The following SNTG2 variants were observed in gnomAD, a reference collection of about 807,000 sequenced individuals.
SNTG2 encodes the protein gamma-2-syntrophin.
SNTG2 carries 74 observed loss-of-function variants against 70.9 expected under a neutral mutation model. The ratio of observed to expected loss-of-function variants is 1.04; its 90% CI spans 0.86 to 1.27. SNTG2 has a LOEUF of 1.27. SNTG2 is among the 50% of genes most tolerant of loss of function. The pLI is 0.00. For synonymous variants in SNTG2, 278 were observed against 273.8 expected (o/e 1.02, Z -0.15); for missense variants, 717 against 690.7 (o/e 1.04, Z -0.43).
At chr2:1,114,657 G>T (rs554406144) in intron 4 of SNTG2, among the ~76,000 whole-genome samples, 1 of 151,906 alleles carries the variant, frequency 6.6e-6, no homozygotes, top group African/African-American at 2.4e-5. Flanking sequence ...TGTACTAAGT[G>T]AGGTTTAACC....
intron 1 of SNTG2, among the ~76,000 whole-genome samples, chr2:991,676 GGC>G (rs1466985777): frequency 6.6e-6 from 1 of 152,152 alleles, no homozygotes; most frequent in Non-Finnish European, 1.5e-5. Context: ...CCGCAGTAAT[GGC>G]ATCTAGGGCT....
At chr2:1,121,432 TA>T (rs1229588753) in intron 4 of SNTG2, among the ~76,000 whole-genome samples, 1 of 151,514 alleles carries the variant, frequency 6.6e-6, no homozygotes, top group Non-Finnish European at 1.5e-5. Flanking sequence ...TAGTAAACAA[TA>T]AAAAGAATTA....
At chr2:1,098,008 C>T (rs1665506707) in intron 2 of SNTG2, among the ~76,000 whole-genome samples, 188 bp from the exon 3 acceptor site, 1 of 151,988 alleles carries the variant, frequency 6.6e-6, no homozygotes, top group Non-Finnish European at 1.5e-5. Flanking sequence ...TCACTGTCTT[C>T]GTTTTCATAC....
At chr2:1,366,110 T>G (rs1010580388) in intron 16 of SNTG2, among the ~76,000 whole-genome samples, 4 of 152,218 alleles carry the variant, frequency 2.6e-5, no homozygotes, top group Non-Finnish European at 5.9e-5. Context: ...CTCAGCAGTT[T>G]AGAATATGCT....
At chr2:1,045,316 A>G (rs1233586270) in intron 1 of SNTG2, among the ~76,000 whole-genome samples, 3 of 151,438 alleles carry the variant, frequency 2.0e-5, no homozygotes, top group Non-Finnish European at 2.9e-5. Context: ...TGGTCTAACA[A>G]TTTTATTCAC....
intron 1 of SNTG2, among the ~76,000 whole-genome samples, chr2:953,468 G>A (rs779272778): frequency 2.0e-5 from 3 of 152,252 alleles, no homozygotes; most frequent in African/African-American, 4.8e-5. Context: ...TTTTAAAGGT[G>A]CATGTGGGGT....
intron 9 of SNTG2, among the ~76,000 whole-genome samples, chr2:1,209,672 C>G (rs1303352106): frequency 6.6e-6 from 1 of 152,176 alleles, no homozygotes; most frequent in East Asian, 1.9e-4. Context: ...TAAATGCTAA[C>G]TAGCTTGTGA....
chr2:1,184,430 A>C (rs1419629809), intron 8 of SNTG2, among the ~76,000 whole-genome samples: 2 of 152,230 alleles, frequency 1.3e-5, no homozygotes, highest in Admixed American at 6.5e-5. Context: ...TATGATGACT[A>C]TCTTAGCCCT....
intron 9 of SNTG2, among the ~76,000 whole-genome samples, chr2:1,232,837 C>T (rs1323989820): frequency 2.0e-5 from 3 of 152,148 alleles, no homozygotes; most frequent in South Asian, 2.1e-4. Context: ...GTTTTTGTCT[C>T]GAGTACTCGT....
chr2:1,283,881 T>C (rs1679660830), intron 14 of SNTG2, among the ~76,000 whole-genome samples: 1 of 152,274 alleles, frequency 6.6e-6, no homozygotes, highest in South Asian at 2.1e-4. Context: ...TCTTTACCTA[T>C]CCAAATATAA....
intron 9 of SNTG2, among the ~76,000 whole-genome samples, chr2:1,227,715 G>A (rs2148065420): frequency 6.6e-6 from 1 of 152,320 alleles, no homozygotes; most frequent in Non-Finnish European, 1.5e-5. Context: ...CAGCCTTGGT[G>A]TCTGTCCTCT....
At chr2:1,187,817 T>G (rs1270759298) in intron 8 of SNTG2, among the ~76,000 whole-genome samples, 1 of 152,186 alleles carries the variant, frequency 6.6e-6, no homozygotes, top group Non-Finnish European at 1.5e-5. Context: ...CAAAATTATG[T>G]AGGAAAGAAA....
intron 14 of SNTG2, among the ~76,000 whole-genome samples, chr2:1,278,270 T>G (rs1258059371): frequency 6.6e-6 from 1 of 152,114 alleles, no homozygotes. Flanking sequence ...GCAGAAGGTG[T>G]TAGTGAGGTG....
rs1215807189 is a variant in SNTG2 at position 1,149,709 on chromosome 2, A to AGT, written c.411+11900_411+11901insGT. ...TTTTTTTTTTTTTTTTTTTTTTCAA[A>AGT]TGGAATCTGGCTCTGTTGCCCAGGC... On this transcript the variant is annotated intron_variant, in intron 6 of 16. Coordinates refer to ENST00000308624, the MANE Select transcript of SNTG2 (RefSeq NM_018968.4). Among the ~76,000 whole-genome samples the AGT allele has an allele frequency of 3.5e-3, 244 of 69,372 alleles. 4 individuals carry two copies. Among genetic ancestry groups the AGT allele is most frequent in the African/African-American group, 0.013 (233 of 17,514 alleles). 45.5% of individuals were successfully genotyped at this position (69,372 alleles called of 152,430 possible).
intron 14 of SNTG2, among the ~76,000 whole-genome samples, chr2:1,298,279 C>T (rs1240162213): frequency 6.6e-6 from 1 of 151,914 alleles, no homozygotes; most frequent in Non-Finnish European, 1.5e-5. Flanking sequence ...ATTACAGATG[C>T]CCACCACCAC....
intron 4 of SNTG2, among the ~76,000 whole-genome samples, chr2:1,114,307 GAAGGATCGTGTGTACT>G (rs1396185955): frequency 6.6e-6 from 1 of 151,932 alleles, no homozygotes; most frequent in Non-Finnish European, 1.5e-5. Flanking sequence ...AGTCCTTTGA[GAAGGATCGTGTGTACT>G]AACTGAGGTT....
At position 1,367,451 on chromosome 2, in the gene SNTG2, A is replaced by G; in HGVS notation, c.1597A>G (p.Arg533Gly). 6.4e-7 allele frequency: 1 copy of G among 1,551,586 alleles called. No individual in the cohort carries two copies. The change falls in exon 17 of 17, where the codon AGA becomes GGA. Residue 533 changes from arginine (R) to glycine (G), a missense_variant. Coordinates refer to ENST00000308624, the MANE Select transcript of SNTG2 (RefSeq NM_018968.4). ...CTTCATGGACAGTCAGAGTCTTGCCAGAAAATACATGTACAGCAGCTAAAG... is the reference window on the plus strand; with the variant it reads ...CTTCATGGACAGTCAGAGTCTTGCCGGAAAATACATGTACAGCAGCTAAAG... Reference protein sequence around the residue: ...PGFMDSQSLARKYMYSS With the variant: ...PGFMDSQSLAGKYMYSS
chr2:1,228,969 A>T (rs1487026997), intron 9 of SNTG2, among the ~76,000 whole-genome samples: 1 of 151,288 alleles, frequency 6.6e-6, no homozygotes, highest in African/African-American at 2.4e-5. Flanking sequence ...GTGCGTCTGG[A>T]GTTGTTTGTT....
intron 9 of SNTG2, among the ~76,000 whole-genome samples, chr2:1,209,755 A>G (rs1234892909): frequency 6.6e-6 from 1 of 152,226 alleles, no homozygotes; most frequent in Admixed American, 6.5e-5. Flanking sequence ...GAGTAGAAAA[A>G]TGTATGCTTG....
Sources: gnomAD v4.1 joint callset for allele counts (sites outside exome capture counted in the v4.1 genomes callset) on GRCh38, gnomAD v4.1.1 for gene constraint, MANE v1.5 for transcripts, NCBI Gene and HGNC (gene_info 2026-07-23, HGNC 2026-07-21) for gene names.